The following RCAN2 variants were observed in gnomAD, a reference collection of about 807,000 sequenced individuals.
The protein encoded by RCAN2 is calcipressin-2.
Under a neutral mutation model 23.6 loss-of-function variants are expected in RCAN2, and 9 were observed. The observed-to-expected ratio is 0.38, with a 90% CI of 0.23 to 0.67. RCAN2 has a LOEUF of 0.67. RCAN2 is among the 30% of genes least tolerant of loss of function. The pLI is 0.51. For missense variants in RCAN2, 273 were observed against 302.3 expected (o/e 0.90, Z 0.72); for synonymous variants, 109 against 115.7 (o/e 0.94, Z 0.37).
rs986457566 is a variant in RCAN2, at chr6:46,441,545, T to C, written c.225+15207A>G. 3.7e-4 allele frequency among the ~76,000 whole-genome samples: 56 copies of C among 152,280 alleles called. 1 individual carries two copies. The highest frequency in any genetic ancestry group is 1.3e-3 in the Admixed American group (20 of 15,296). The stretch of plus-strand genomic sequence containing the variant: ...GGAGTTAATAATAGCTAAAAATTTT[T>C]TGGGGGGAAAGGTAGGTTTTGAACA... On this transcript the variant is annotated intron_variant, in intron 2 of 4. Coordinates refer to ENST00000371374, the MANE Select transcript of RCAN2 (RefSeq NM_001251974.2).
At chr6:46,456,155 C>A (rs1471338356) in intron 2 of RCAN2, among the ~76,000 whole-genome samples, 1 of 152,204 alleles carries the variant, frequency 6.6e-6, no homozygotes, top group African/African-American at 2.4e-5. Context: ...TAGACAACCT[C>A]ATTCCCCTAT....
chr6:46,225,216 T>C (rs1562090706), intron 4 of RCAN2, among the ~76,000 whole-genome samples: 2 of 152,236 alleles, frequency 1.3e-5, no homozygotes, highest in Non-Finnish European at 1.5e-5. Flanking sequence ...AAGTCTTTGC[T>C]ATTGTGAATA....
At chr6:46,473,763 AT>A (rs1768633856) in intron 1 of RCAN2, among the ~76,000 whole-genome samples, 1 of 152,212 alleles carries the variant, frequency 6.6e-6, no homozygotes, top group Non-Finnish European at 1.5e-5. Flanking sequence ...GGTCTGAATA[AT>A]ATCCATGGAT....
At chr6:46,470,128 TA>T (rs1362047336) in intron 1 of RCAN2, among the ~76,000 whole-genome samples, 6 of 152,154 alleles carry the variant, frequency 3.9e-5, no homozygotes, top group Admixed American at 1.3e-4. Context: ...CAAAATGAAC[TA>T]AAACAACTTT....
intron 2 of RCAN2, among the ~76,000 whole-genome samples, chr6:46,334,166 A>C (rs1301400604): frequency 6.6e-6 from 1 of 151,920 alleles, no homozygotes; most frequent in African/African-American, 2.4e-5. Flanking sequence ...TCTAGGTAGC[A>C]CTCCTTTCAC....
chr6:46,299,616 A>G (rs1488687548), intron 2 of RCAN2, among the ~76,000 whole-genome samples: 1 of 151,958 alleles, frequency 6.6e-6, no homozygotes, highest in East Asian at 1.9e-4. Flanking sequence ...ATGAAAACCT[A>G]TCCTGTTATT....
At chr6:46,240,305 C>T (rs893509513) in intron 4 of RCAN2, among the ~76,000 whole-genome samples, 2 of 151,416 alleles carry the variant, frequency 1.3e-5, no homozygotes, top group Non-Finnish European at 2.9e-5. Context: ...CATATTTTCC[C>T]ATTTTTTGGT....
chr6:46,385,860 C>CAAAA (rs59568594), intron 2 of RCAN2, among the ~76,000 whole-genome samples: 2 of 39,646 alleles, frequency 5.0e-5, no homozygotes, highest in African/African-American at 1.1e-4. Flanking sequence ...CTCTCTCTCT[C>CAAAA]AAAAAAAAAA....
At chr6:46,275,300 G>T (rs1767657528) in intron 2 of RCAN2, among the ~76,000 whole-genome samples, 1 of 152,056 alleles carries the variant, frequency 6.6e-6, no homozygotes, top group South Asian at 2.1e-4. Context: ...GCAGACTAGG[G>T]TTTTACAGTA....
chr6:46,308,811 C>T (rs916975468), intron 2 of RCAN2, among the ~76,000 whole-genome samples: 16 of 151,600 alleles, frequency 1.1e-4, no homozygotes, highest in Non-Finnish European at 2.1e-4. Context: ...TTTGAAGTTA[C>T]GAGGTTTCAG....
intron 2 of RCAN2, among the ~76,000 whole-genome samples, chr6:46,314,378 AAG>A (rs1226356507): frequency 1.6e-4 from 22 of 137,116 alleles, no homozygotes; most frequent in Non-Finnish European, 3.3e-4. Flanking sequence ...AAAAAAAAAA[AAG>A]AAAAGAAAAA....
At chr6:46,265,455 G>T (rs79313047) in intron 2 of RCAN2, among the ~76,000 whole-genome samples, 2,375 of 152,298 alleles carry the variant, frequency 0.016, 63 homozygotes, top group African/African-American at 0.054. Flanking sequence ...GCTGGGTAAA[G>T]CCAGTAATTT....
At chr6:46,422,647 A>C (rs962878201) in intron 2 of RCAN2, among the ~76,000 whole-genome samples, 1 of 152,210 alleles carries the variant, frequency 6.6e-6, no homozygotes, top group African/African-American at 2.4e-5. Context: ...ATTTAGGTCT[A>C]TTCCACCAAG....
intron 2 of RCAN2, among the ~76,000 whole-genome samples, chr6:46,290,716 A>G (rs1332251884): frequency 6.6e-6 from 1 of 152,258 alleles, no homozygotes; most frequent in Non-Finnish European, 1.5e-5. Context: ...GGTGCTGTCA[A>G]GTTAATTGGT....
rs1765526919 is a variant in RCAN2 at position 46,223,027 on chromosome 6, G to A, written c.*114C>T. 3.7e-6 allele frequency: 4 copies of A among 1,093,444 alleles called. No homozygotes were observed. Among genetic ancestry groups the A allele is most frequent in the South Asian group, 3.0e-5 (2 of 66,520 alleles). The allele number at this position is 1,093,444 out of a possible 1,614,324, so 67.7% of individuals were successfully genotyped here. A position where few individuals can be genotyped will look rare whatever the true frequency, so the allele number is the denominator to read the frequency against. On this transcript the variant is annotated 3_prime_UTR_variant, in exon 5 of 5. Transcript: ENST00000371374. The stretch of plus-strand genomic sequence containing the variant: ...GTCCGAGAGGCTTGATAACAAGGAA[G>A]GAATCTCAAACAACCAAACACCCAG...
intron 2 of RCAN2, among the ~76,000 whole-genome samples, chr6:46,368,767 C>T (rs777504647): frequency 6.6e-5 from 10 of 152,100 alleles, no homozygotes; most frequent in Non-Finnish European, 1.5e-4. Flanking sequence ...GGGAGTTGCC[C>T]TGTACGAGTC....
intron 1 of RCAN2, among the ~76,000 whole-genome samples, chr6:46,487,815 T>C (rs917167817): frequency 1.3e-5 from 2 of 152,208 alleles, no homozygotes; most frequent in African/African-American, 4.8e-5. Flanking sequence ...ACCATTTGTG[T>C]TAATCCTCTT....
intron 4 of RCAN2, among the ~76,000 whole-genome samples, chr6:46,232,876 A>G (rs192827353): frequency 5.2e-4 from 78 of 151,378 alleles, no homozygotes; most frequent in African/African-American, 1.7e-3. Flanking sequence ...ATGTGTACCC[A>G]TCAGCCCTAA....
At chr6:46,318,479 C>T (rs1763513852) in intron 2 of RCAN2, among the ~76,000 whole-genome samples, 2 of 152,134 alleles carry the variant, frequency 1.3e-5, no homozygotes, top group South Asian at 4.1e-4. Context: ...GTGGACACTG[C>T]TATGGTATAT....
Sources: allele counts gnomAD v4.1 joint callset (sites outside exome capture counted in the v4.1 genomes callset), GRCh38; gene constraint gnomAD v4.1.1; transcripts MANE v1.5; gene names NCBI Gene and HGNC (gene_info 2026-07-23, HGNC 2026-07-21).